Variants in LDAH observed in about 807,000 individuals in gnomAD.
The protein encoded by LDAH is lipid droplet-associated hydrolase.
Under a neutral mutation model 29.6 loss-of-function variants are expected in LDAH, and 26 were observed. The observed-to-expected ratio is 0.88, with a 90% confidence interval of 0.64 to 1.22. The LOEUF (loss-of-function observed/expected upper bound fraction) is 1.22. LDAH is among the 50% of genes most tolerant of loss of function. The pLI, the probability that LDAH is intolerant of heterozygous loss-of-function variation, is 0.00. For missense variants in LDAH, 344 were observed against 387.3 expected (o/e 0.89, Z 0.94); for synonymous variants, 117 against 133.0 (o/e 0.88, Z 0.83).
At chr2:20,737,002 A>G (rs112095962) in intron 5 of LDAH, among the ~76,000 whole-genome samples, 4,777 of 152,290 alleles carry the variant, frequency 0.031, 252 homozygotes, top group African/African-American at 0.11. Context: ...AACTATACAA[A>G]GTAGGGAGAA....
chr2:20,782,612 T>C (rs1558473855), intron 3 of LDAH, among the ~76,000 whole-genome samples: 1 of 152,226 alleles, frequency 6.6e-6, no homozygotes, highest in Non-Finnish European at 1.5e-5. Flanking sequence ...ATTGGTCCCT[T>C]TTATCTAAGT....
intron 5 of LDAH, among the ~76,000 whole-genome samples, chr2:20,720,435 G>T (rs938844624): frequency 9.9e-5 from 15 of 151,710 alleles, no homozygotes; most frequent in African/African-American, 2.2e-4. Flanking sequence ...TTCTTTATAA[G>T]GAAAACTATA....
rs682274 is a variant in LDAH, at chr2:20,801,470, A to G, written c.-2-5T>C. On this transcript the variant is annotated splice_polypyrimidine_tract_variant and splice_region_variant and intron_variant, in intron 1 of 6. Coordinates refer to ENST00000237822, the MANE Select transcript of LDAH (RefSeq NM_021925.4). ...CCTTGAGTTCTGAGTCCATTTCTAAATAAGGGGAGAAAAGTAGTATGAAGA... is the reference window on the plus strand; with the variant it reads ...CCTTGAGTTCTGAGTCCATTTCTAAGTAAGGGGAGAAAAGTAGTATGAAGA... 4,702 of 1,612,404 alleles carry G rather than the reference A, an allele frequency of 2.9e-3. 117 individuals carry two copies. The African/African-American group carries it at 0.055, about 19-fold the overall frequency.
intron 3 of LDAH, among the ~76,000 whole-genome samples, chr2:20,785,371 C>T (rs952145051): frequency 6.6e-6 from 1 of 152,220 alleles, no homozygotes; most frequent in Admixed American, 6.5e-5. Flanking sequence ...TATTTCACTC[C>T]ATTCTCCTCT....
At chr2:20,760,563 G>C (rs182191590) in intron 4 of LDAH, among the ~76,000 whole-genome samples, 164 of 152,342 alleles carry the variant, frequency 1.1e-3, no homozygotes, top group African/African-American at 3.7e-3. Flanking sequence ...AATCACTAAG[G>C]TTGTGGAGAG....
chr2:20,746,805 A>G (rs926829432), intron 4 of LDAH, among the ~76,000 whole-genome samples: 1 of 152,168 alleles, frequency 6.6e-6, no homozygotes, highest in African/African-American at 2.4e-5. Flanking sequence ...TTAAAAAAAG[A>G]ACTCCCATGT....
At chr2:20,813,590 T>G (rs1282903591) in intron 1 of LDAH, among the ~76,000 whole-genome samples, 1 of 152,204 alleles carries the variant, frequency 6.6e-6, no homozygotes, top group East Asian at 1.9e-4. Context: ...TACCAGTGCT[T>G]TTGTTTTTAT....
chr2:20,760,146 G>C (rs1285403030), intron 4 of LDAH, among the ~76,000 whole-genome samples: 1 of 152,010 alleles, frequency 6.6e-6, no homozygotes, highest in Non-Finnish European at 1.5e-5. Flanking sequence ...TAAAAAAATT[G>C]CAAGGAAGAC....
chr2:20,716,121 T>A (rs2149386756), intron 5 of LDAH, among the ~76,000 whole-genome samples: 2 of 152,282 alleles, frequency 1.3e-5, no homozygotes, highest in South Asian at 4.1e-4. Flanking sequence ...GCTTTTACAC[T>A]GTTTGTTGGA....
chr2:20,688,921 C>T (rs1170465591), intron 6 of LDAH, among the ~76,000 whole-genome samples: 2 of 146,494 alleles, frequency 1.4e-5, no homozygotes, highest in African/African-American at 2.5e-5. Context: ...ACACGTGCCA[C>T]GGTGGTTTGC....
At chr2:20,717,975 C>T (rs1665345651) in intron 5 of LDAH, among the ~76,000 whole-genome samples, 1 of 152,112 alleles carries the variant, frequency 6.6e-6, no homozygotes, top group Admixed American at 6.6e-5. Context: ...CTTCTTATAA[C>T]TATAAAATGT....
intron 6 of LDAH, among the ~76,000 whole-genome samples, chr2:20,692,978 G>A (rs746688968): frequency 4.6e-5 from 7 of 152,180 alleles, no homozygotes; most frequent in East Asian, 3.8e-4. Context: ...CAAGAAGAGC[G>A]TAGTGCAGTG....
chr2:20,701,517 T>A, intron 6 of LDAH, 53 bp downstream of exon 6: 1 of 1,444,856 alleles, frequency 6.9e-7, no homozygotes, highest in Non-Finnish European at 9.7e-7. Flanking sequence ...TTTGCCCTCG[T>A]ATCTCTGCCC....
At chr2:20,758,086 A>G (rs1200992065) in intron 4 of LDAH, among the ~76,000 whole-genome samples, 1 of 152,228 alleles carries the variant, frequency 6.6e-6, no homozygotes, top group Non-Finnish European at 1.5e-5. Flanking sequence ...AAGCATACGG[A>G]TAGACAAGAT....
Position 20,784,637 on chromosome 2 carries a change from C to T in LDAH, c.298+5618G>A, listed in dbSNP as rs1471681768. 3.9e-5 allele frequency among the ~76,000 whole-genome samples: 6 copies of T among 152,154 alleles called. No homozygotes were observed. In the East Asian group the frequency reaches 9.7e-4, roughly 24 times the overall value. On this transcript the variant is annotated intron_variant, in intron 3 of 6. Transcript: ENST00000237822. ...CAGTGGCTCATGCCTGTAATCCCAG[C>T]ACTTTGGGAAGCTGAGGCGGGCAGA...
rs1001670914 is a variant in LDAH at position 20,729,179 on chromosome 2, G to A, written c.703+10792C>T. Among the ~76,000 whole-genome samples, 38 of 151,446 alleles carry A rather than the reference G, an allele frequency of 2.5e-4. 1 individual carries two copies. Among genetic ancestry groups the A allele is most frequent in the Non-Finnish European group, 7.4e-5 (5 of 67,832 alleles). On this transcript the variant is annotated intron_variant, in intron 5 of 6. Transcript: ENST00000237822. ...CTTCAGTCTCCTGGAAGATGCAGTA[G>A]GAGGTCAATTATTGCAATTAAAAGG...
intron 5 of LDAH, among the ~76,000 whole-genome samples, chr2:20,720,401 A>T (rs1665564120): frequency 6.6e-6 from 1 of 152,104 alleles, no homozygotes; most frequent in Admixed American, 6.5e-5. Context: ...TTAACAAAAG[A>T]AGTGAATTTA....
intron 1 of LDAH, among the ~76,000 whole-genome samples, chr2:20,813,270 T>A (rs1672628310): frequency 6.6e-6 from 1 of 152,222 alleles, no homozygotes; most frequent in South Asian, 2.1e-4. Context: ...CATATTCTTC[T>A]ATAATTATAC....
chr2:20,696,824 C>T (rs1001671513), intron 6 of LDAH, among the ~76,000 whole-genome samples: 25 of 152,094 alleles, frequency 1.6e-4, no homozygotes, highest in African/African-American at 4.8e-4. Flanking sequence ...CGAAAACGCA[C>T]AGTTGATTCT....
Sources: gnomAD v4.1 joint callset for allele counts (sites outside exome capture counted in the v4.1 genomes callset) on GRCh38, gnomAD v4.1.1 for gene constraint, MANE v1.5 for transcripts, NCBI Gene and HGNC (gene_info 2026-07-23, HGNC 2026-07-21) for gene names.